MAF: variants seen among roughly 807,000 people sequenced by gnomAD.
The protein encoded by MAF is transcription factor Maf.
A neutral mutation model predicts 22.0 loss-of-function variants in MAF; 10 were observed. The ratio of observed to expected loss-of-function variants is 0.45; its 90% CI spans 0.28 to 0.77. The LOEUF (loss-of-function observed/expected upper bound fraction) is 0.77, where lower values mean the gene tolerates loss of function less well. Among genes scored for constraint, MAF ranks in the 30% least tolerant of loss-of-function variants. The pLI, the probability that MAF is intolerant of heterozygous loss-of-function variation, is 0.12. For synonymous variants in MAF, 337 were observed against 255.8 expected (o/e 1.32, Z -3.03); for missense variants, 544 against 548.4 (o/e 0.99, Z 0.08).
At chr16:79,530,505 A>C in the MAF span, among the ~76,000 whole-genome samples, 4 of 152,216 alleles carry the variant, frequency 2.6e-5, no homozygotes, top group African/African-American at 9.6e-5. Context: ...CACACTAAAT[A>C]AAAAATCAGC....
chr16:79,392,928 A>T, the MAF span, among the ~76,000 whole-genome samples: 6 of 152,278 alleles, frequency 3.9e-5, no homozygotes, highest in South Asian at 1.2e-3. Context: ...AAATGGAGAC[A>T]CCCCAGTAAT....
chr16:79,492,555 G>T, the MAF span, among the ~76,000 whole-genome samples: 1 of 151,996 alleles, frequency 6.6e-6, no homozygotes, highest in African/African-American at 2.4e-5. Context: ...ATAGATAACA[G>T]TGTCACCAAA....
the MAF span, among the ~76,000 whole-genome samples, chr16:79,502,898 T>C: frequency 6.6e-6 from 1 of 151,094 alleles, no homozygotes; most frequent in Non-Finnish European, 1.5e-5. Flanking sequence ...AATCCACTCA[T>C]CAAATTCATC....
At chr16:79,317,414 C>G in the MAF span, among the ~76,000 whole-genome samples, 1 of 148,160 alleles carries the variant, frequency 6.7e-6, no homozygotes, top group Non-Finnish European at 1.5e-5. Context: ...ATCTCTCCCT[C>G]CCTCCTTTCT....
chr16:79,211,743 T>A, the MAF span: 5 of 1,614,184 alleles, frequency 3.1e-6, no homozygotes, highest in Non-Finnish European at 8.5e-7. Flanking sequence ...CCGGACCCTG[T>A]GGGCGCTCAG....
At chr16:79,219,736 C>T in the MAF span, among the ~76,000 whole-genome samples, 3 of 152,024 alleles carry the variant, frequency 2.0e-5, no homozygotes, top group Admixed American at 6.5e-5. Flanking sequence ...TGTCACTCTG[C>T]GTCTGTGATC....
At chr16:79,256,309 A>C in the MAF span, among the ~76,000 whole-genome samples, 8 of 151,962 alleles carry the variant, frequency 5.3e-5, no homozygotes. Flanking sequence ...TGTCTGAATG[A>C]ATTGCAGTGG....
the MAF span, among the ~76,000 whole-genome samples, chr16:79,419,475 A>G: frequency 6.6e-6 from 1 of 152,226 alleles, no homozygotes. Context: ...TACAGTTTCC[A>G]TGCCGATGGC....
chr16:79,253,305 C>T, the MAF span, among the ~76,000 whole-genome samples: 1 of 152,298 alleles, frequency 6.6e-6, no homozygotes. Context: ...CCATCATTGC[C>T]TGTTATTGGC....
At chr16:79,588,987 A>C (rs1913028376), downstream of MAF, among the ~76,000 whole-genome samples, 1 of 152,202 alleles carries the variant, frequency 6.6e-6, no homozygotes, top group African/African-American at 2.4e-5. Context: ...TACATAAAAA[A>C]TCTGACAGTG....
the MAF span, among the ~76,000 whole-genome samples, chr16:79,517,740 A>G: frequency 6.6e-6 from 1 of 151,928 alleles, no homozygotes; most frequent in African/African-American, 2.4e-5. Flanking sequence ...ATGCCCGGCT[A>G]ATTTTTGTAT....
chr16:79,203,385 C>A, the MAF span: 1 of 152,158 alleles, frequency 6.6e-6, no homozygotes, highest in Non-Finnish European at 1.5e-5. Context: ...ACATTGGGGG[C>A]CTACCTGTGA....
chr16:79,358,660 T>A, the MAF span, among the ~76,000 whole-genome samples: 1 of 152,220 alleles, frequency 6.6e-6, no homozygotes, highest in Admixed American at 6.5e-5. Context: ...GTGAGGGCTT[T>A]ACAGATACCT....
At chr16:79,592,059 G>T (rs1323510957), downstream of MAF, among the ~76,000 whole-genome samples, 11 of 152,170 alleles carry the variant, frequency 7.2e-5, no homozygotes, top group Non-Finnish European at 1.0e-4. Flanking sequence ...AATTCAGACT[G>T]GTAACAGGGA....
chr16:79,426,744 G>C, the MAF span, among the ~76,000 whole-genome samples: 10 of 152,364 alleles, frequency 6.6e-5, no homozygotes, highest in African/African-American at 1.9e-4. Flanking sequence ...TCTAGGCAAA[G>C]TGAATTCATA....
At chr16:79,349,693 T>A in the MAF span, among the ~76,000 whole-genome samples, 22 of 152,176 alleles carry the variant, frequency 1.4e-4, no homozygotes, top group Non-Finnish European at 3.1e-4. Context: ...TTCGTGGTGA[T>A]GTTTGGCTTC....
chr16:79,476,501 T>G, the MAF span, among the ~76,000 whole-genome samples: 1 of 152,218 alleles, frequency 6.6e-6, no homozygotes, highest in East Asian at 1.9e-4. Flanking sequence ...GTGCATTTCT[T>G]AAGATTGGGA....
chr16:79,352,818 T>C, the MAF span, among the ~76,000 whole-genome samples: 7 of 152,164 alleles, frequency 4.6e-5, no homozygotes, highest in Non-Finnish European at 1.5e-5. Context: ...CTCACCCAAG[T>C]TGTGATTACC....
chr16:79,215,802 C>A, the MAF span, among the ~76,000 whole-genome samples: 1 of 152,192 alleles, frequency 6.6e-6, no homozygotes, highest in Non-Finnish European at 1.5e-5. Context: ...AAGGAATTTA[C>A]ATCTTGGGTC....
Sources: allele counts gnomAD v4.1 joint callset (sites outside exome capture counted in the v4.1 genomes callset), GRCh38; gene constraint gnomAD v4.1.1; transcripts MANE v1.5; gene names NCBI Gene and HGNC (gene_info 2026-07-23, HGNC 2026-07-21).